DAB1: variants seen among roughly 807,000 people sequenced by gnomAD.
DAB1 encodes DAB adaptor protein 1, also known as disabled homolog 1.
A neutral mutation model predicts 64.6 loss-of-function variants in DAB1; 15 were observed. The ratio of observed to expected loss-of-function variants is 0.23; its 90% confidence interval spans 0.16 to 0.36. DAB1 has a LOEUF of 0.36. Among genes scored for constraint, DAB1 ranks in the 10% least tolerant of loss-of-function variants. DAB1 has a pLI of 1.00. For missense variants in DAB1, 596 were observed against 706.7 expected (o/e 0.84, Z 1.78); for synonymous variants, 235 against 251.9 (o/e 0.93, Z 0.64).
chr1:57,576,958 AC>A lies in DAB1; in HGVS notation n.625+72633del, dbSNP rs1297802203. On this transcript the variant is annotated intron_variant and non_coding_transcript_variant, in intron 7 of 20. Coordinates refer to the DAB1 transcript ENST00000485760. The stretch of plus-strand genomic sequence containing the variant: ...TGTGGCTGCTTCCCAGCTCACCTCT[AC>A]GTGAACCTGACTTGAAAGGGTTTAC... Among the ~76,000 whole-genome samples the A allele has an allele frequency of 3.3e-5, 5 of 152,240 alleles. No homozygotes were observed. In the East Asian group the frequency reaches 5.8e-4, roughly 18 times the overall value.
chr1:57,160,611 T>C (rs1327488623), intron 2 of DAB1, among the ~76,000 whole-genome samples: 1 of 152,114 alleles, frequency 6.6e-6, no homozygotes, highest in Non-Finnish European at 1.5e-5. Context: ...CAAGGCTGAA[T>C]GATGCACATG....
chr1:58,107,343 C>T (rs1310422703), intron 5 of DAB1, among the ~76,000 whole-genome samples: 1 of 149,034 alleles, frequency 6.7e-6, no homozygotes, highest in Admixed American at 6.7e-5. Context: ...TGGTGGTGGG[C>T]ACCTGTAATC....
intron 5 of DAB1, among the ~76,000 whole-genome samples, chr1:57,991,729 C>T (rs1403843519): frequency 6.6e-6 from 1 of 150,700 alleles, no homozygotes; most frequent in Non-Finnish European, 1.5e-5. Flanking sequence ...ACCTGTAATA[C>T]CAGCTACTTG....
intron 7 of DAB1, among the ~76,000 whole-genome samples, chr1:57,433,064 G>A (rs939447865): frequency 3.9e-5 from 6 of 152,080 alleles, no homozygotes; most frequent in African/African-American, 1.2e-4. Flanking sequence ...AACAACTAAA[G>A]AAGATCCAAA....
chr1:58,119,062 T>C (rs901954116), intron 5 of DAB1, among the ~76,000 whole-genome samples: 22 of 152,288 alleles, frequency 1.4e-4, no homozygotes, highest in African/African-American at 4.3e-4. Flanking sequence ...GTGCAGTAGA[T>C]GTTTGCAAAC....
intron 4 of DAB1, among the ~76,000 whole-genome samples, chr1:58,313,279 G>A (rs1432779505): frequency 3.9e-5 from 6 of 152,122 alleles, no homozygotes; most frequent in Non-Finnish European, 8.8e-5. Context: ...AATTGTAGGG[G>A]GAAAATGTGG....
chr1:57,230,724 A>G (rs1009950701), intron 2 of DAB1, among the ~76,000 whole-genome samples: 6 of 152,184 alleles, frequency 3.9e-5, no homozygotes, highest in African/African-American at 1.4e-4. Flanking sequence ...AAACTGGAAT[A>G]TATATCACCT....
At chr1:58,317,409 G>A (rs935541864) in intron 4 of DAB1, among the ~76,000 whole-genome samples, 5 of 152,230 alleles carry the variant, frequency 3.3e-5, no homozygotes, top group Non-Finnish European at 7.3e-5. Flanking sequence ...GATTATCTGG[G>A]TGAGCCAGAT....
chr1:58,043,119 G>A (rs1647163751), intron 5 of DAB1, among the ~76,000 whole-genome samples: 1 of 152,180 alleles, frequency 6.6e-6, no homozygotes, highest in South Asian at 2.1e-4. Flanking sequence ...AAATGTTAAT[G>A]TATAGGCGCT....
chr1:57,270,981 A>C (rs986468401), intron 2 of DAB1, among the ~76,000 whole-genome samples: 2 of 152,194 alleles, frequency 1.3e-5, no homozygotes. Context: ...CAAGTTTCCA[A>C]AGACTTTCAC....
chr1:58,038,600 A>C (rs1359960840), intron 5 of DAB1, among the ~76,000 whole-genome samples: 1 of 152,084 alleles, frequency 6.6e-6, no homozygotes, highest in East Asian at 1.9e-4. Context: ...AATCCAAAGC[A>C]TGCAACTGGC....
chr1:57,722,313 G>A (rs1001688347), intron 6 of DAB1, among the ~76,000 whole-genome samples: 1 of 152,156 alleles, frequency 6.6e-6, no homozygotes, highest in African/African-American at 2.4e-5. Context: ...CCATGATGAA[G>A]CTGGAAAAGG....
chr1:57,269,095 A>C (rs1037511434), intron 2 of DAB1, among the ~76,000 whole-genome samples: 78 of 152,212 alleles, frequency 5.1e-4, no homozygotes, highest in Non-Finnish European at 8.5e-4. Flanking sequence ...CAGAGGAGAT[A>C]CAGCCACTGT....
chr1:58,211,541 A>T (rs2100293254), intron 4 of DAB1, among the ~76,000 whole-genome samples: 1 of 152,312 alleles, frequency 6.6e-6, no homozygotes, highest in African/African-American at 2.4e-5. Flanking sequence ...TTGCAAGCAA[A>T]CAAATGAAGG....
intron 7 of DAB1, among the ~76,000 whole-genome samples, chr1:57,461,012 C>T (rs551327587): frequency 5.3e-5 from 8 of 152,268 alleles, no homozygotes; most frequent in Admixed American, 2.6e-4. Flanking sequence ...TATTAAGCCC[C>T]GCATGCATTA....
chr1:57,946,951 T>C (rs1294880460), intron 5 of DAB1, among the ~76,000 whole-genome samples: 1 of 152,188 alleles, frequency 6.6e-6, no homozygotes, highest in African/African-American at 2.4e-5. Context: ...ATATTAGAGC[T>C]GGAAAAGATC....
intron 5 of DAB1, among the ~76,000 whole-genome samples, chr1:57,936,856 C>T (rs1170767005): frequency 3.3e-5 from 5 of 152,150 alleles, no homozygotes; most frequent in Admixed American, 3.3e-4. Context: ...TGGTGTCTTG[C>T]TGAGCCATCC....
chr1:57,355,518 A>G (rs1026701746), intron 1 of DAB1, among the ~76,000 whole-genome samples: 3 of 152,052 alleles, frequency 2.0e-5, no homozygotes, highest in Admixed American at 1.3e-4. Flanking sequence ...AGTGTGAGAT[A>G]AACACTAGTG....
intron 5 of DAB1, among the ~76,000 whole-genome samples, chr1:57,889,906 G>GGT (rs1557539278): frequency 7.9e-6 from 1 of 126,922 alleles, no homozygotes; most frequent in African/African-American, 3.0e-5. Context: ...GGGCGGGGGG[G>GGT]GGGGAGGGGG....
Sources: gnomAD v4.1 joint callset for allele counts (sites outside exome capture counted in the v4.1 genomes callset) on GRCh38, gnomAD v4.1.1 for gene constraint, MANE v1.5 for transcripts, NCBI Gene and HGNC (gene_info 2026-07-23, HGNC 2026-07-21) for gene names.